LRRC37A2: variants seen among roughly 807,000 people sequenced by gnomAD.
LRRC37A2 encodes the protein leucine rich repeat containing 37 member A2, also known as leucine-rich repeat-containing protein 37A2.
In LRRC37A2, 9 loss-of-function variants were observed where a neutral mutation model predicts 68.8. That is an observed-to-expected ratio of 0.13 (90% CI 0.08 to 0.23). The LOEUF is 0.23. LRRC37A2 is among the 10% of genes least tolerant of loss of function. The pLI is 1.00. For synonymous variants in LRRC37A2, 63 were observed against 367.6 expected (o/e 0.17, Z 9.48); for missense variants, 168 against 950.4 (o/e 0.18, Z 10.82).
At chr17:46,783,658 A>G in the LRRC37A2 span, among the ~76,000 whole-genome samples, 2 of 152,160 alleles carry the variant, frequency 1.3e-5, no homozygotes, top group African/African-American at 4.8e-5. Context: ...AGCGATCTCT[A>G]GGAACGGGGG....
the LRRC37A2 span, among the ~76,000 whole-genome samples, chr17:46,779,053 T>TCACACACACACACACACACACACACACA: frequency 3.7e-4 from 37 of 100,662 alleles, 1 homozygote; most frequent in Admixed American, 8.3e-4. Flanking sequence ...CCCTACCCCA[T>TCACACACACACACACACACACACACACA]CACACACACA....
At chr17:46,902,804 G>A in the LRRC37A2 span, among the ~76,000 whole-genome samples, 38 of 152,190 alleles carry the variant, frequency 2.5e-4, no homozygotes, top group African/African-American at 7.5e-4. Context: ...TCAGATACCC[G>A]TTCTCCCCTG....
the LRRC37A2 span, among the ~76,000 whole-genome samples, chr17:46,997,947 G>A: frequency 4.7e-5 from 7 of 148,040 alleles, no homozygotes; most frequent in African/African-American, 1.8e-4. Flanking sequence ...TCCAGCCTGG[G>A]CAACAAGAGT....
At chr17:46,752,223 T>G in the LRRC37A2 span, among the ~76,000 whole-genome samples, 11 of 152,236 alleles carry the variant, frequency 7.2e-5, no homozygotes, top group African/African-American at 2.7e-4. Flanking sequence ...CAAAGACAGA[T>G]GAAACTTCTT....
chr17:47,023,064 G>T, the LRRC37A2 span, among the ~76,000 whole-genome samples: 201 of 152,320 alleles, frequency 1.3e-3, 3 homozygotes, highest in East Asian at 0.031. Flanking sequence ...TCACTGCTGG[G>T]TATTCTCCAA....
At chr17:46,922,598 G>C in the LRRC37A2 span, among the ~76,000 whole-genome samples, 1 of 152,178 alleles carries the variant, frequency 6.6e-6, no homozygotes, top group Admixed American at 6.5e-5. Context: ...TTTGAGGGCA[G>C]GAGGAACCCG....
chr17:46,833,751 C>T, the LRRC37A2 span, among the ~76,000 whole-genome samples: 10 of 152,138 alleles, frequency 6.6e-5, no homozygotes, highest in African/African-American at 4.8e-5. Context: ...CAGGCCTGCC[C>T]GGGGAAGAAG....
At chr17:46,716,364 C>G in the LRRC37A2 span, among the ~76,000 whole-genome samples, 3 of 151,432 alleles carry the variant, frequency 2.0e-5, no homozygotes, top group Non-Finnish European at 2.9e-5. Flanking sequence ...TCATGCCATT[C>G]TCCTGCCTCA....
the LRRC37A2 span, chr17:46,964,279 A>G: frequency 6.6e-6 from 1 of 152,288 alleles, no homozygotes; most frequent in Non-Finnish European, 1.5e-5. Flanking sequence ...GAATCAGGCT[A>G]GGACACATTG....
rs374197455 is a variant in LRRC37A2, at chr17:46,533,993, T to G, written c.2907-6183T>G. On this transcript the variant is annotated intron_variant, in intron 6 of 14. Coordinates refer to ENST00000576629, the Ensembl canonical transcript of LRRC37A2. ...ACTTTGAATATGCCATTTCATTGCCTTTTGTCCTCCAGTGTTGTGTGTGGT... is the reference window on the plus strand; with the variant it reads ...ACTTTGAATATGCCATTTCATTGCCGTTTGTCCTCCAGTGTTGTGTGTGGT... 6.2e-4 allele frequency among the ~76,000 whole-genome samples: 77 copies of G among 123,562 alleles called. No individual in the cohort carries two copies. The East Asian group carries it at 0.015, about 24-fold the overall frequency. 81.1% of individuals were successfully genotyped at this position (123,562 alleles called of 152,430 possible).
At chr17:46,743,387 C>T in the LRRC37A2 span, among the ~76,000 whole-genome samples, 1 of 152,190 alleles carries the variant, frequency 6.6e-6, no homozygotes, top group African/African-American at 2.4e-5. Flanking sequence ...CTTGCCTGTT[C>T]TGACTGTGAT....
the LRRC37A2 span, among the ~76,000 whole-genome samples, chr17:46,771,960 G>GCCGCCGACC: frequency 5.4e-5 from 8 of 149,172 alleles, no homozygotes; most frequent in South Asian, 1.2e-3. Flanking sequence ...GCCCCTTCCG[G>GCCGCCGACC]CCGCCGACCC....
At chr17:46,923,763 C>T in the LRRC37A2 span, 9,304 of 418,804 alleles carry the variant, frequency 0.022, 224 homozygotes, top group African/African-American at 0.082. Flanking sequence ...TACAGGTTAT[C>T]GCTAAGAAAA....
At chr17:46,793,605 G>A in the LRRC37A2 span, among the ~76,000 whole-genome samples, 1 of 152,184 alleles carries the variant, frequency 6.6e-6, no homozygotes, top group African/African-American at 2.4e-5. Context: ...GTGTGAGACA[G>A]GACAAAGAAT....
the LRRC37A2 span, among the ~76,000 whole-genome samples, chr17:46,874,642 A>G: frequency 6.6e-6 from 1 of 152,110 alleles, no homozygotes; most frequent in East Asian, 1.9e-4. Flanking sequence ...CAATGGCGCA[A>G]TCTCAGCTCA....
chr17:46,679,918 A>G, the LRRC37A2 span, among the ~76,000 whole-genome samples: 1 of 148,104 alleles, frequency 6.8e-6, no homozygotes, highest in Admixed American at 6.7e-5. Context: ...AGCAGAAATC[A>G]GAATGTAAAG....
the LRRC37A2 span, among the ~76,000 whole-genome samples, chr17:46,782,072 G>A: frequency 1.3e-5 from 2 of 152,200 alleles, no homozygotes; most frequent in East Asian, 1.9e-4. Context: ...CAGGGGCTGC[G>A]GCCCAGGGAA....
the LRRC37A2 span, chr17:47,027,504 C>T: frequency 2.4e-6 from 2 of 835,728 alleles, no homozygotes; most frequent in Non-Finnish European, 4.1e-6. Flanking sequence ...TTATTCATAC[C>T]AATCAACATT....
the LRRC37A2 span, among the ~76,000 whole-genome samples, chr17:46,908,664 T>C: frequency 4.2e-4 from 64 of 152,252 alleles, no homozygotes; most frequent in African/African-American, 1.5e-3. Context: ...TATTGAAGCC[T>C]GCCATGCTGG....
Sources: gnomAD v4.1 joint callset for allele counts (sites outside exome capture counted in the v4.1 genomes callset) on GRCh38, gnomAD v4.1.1 for gene constraint, MANE v1.5 for transcripts, NCBI Gene and HGNC (gene_info 2026-07-23, HGNC 2026-07-21) for gene names.